KIF25: variants seen among roughly 807,000 people sequenced by gnomAD.
KIF25 encodes kinesin family member 25, also known as kinesin-like protein KIF25.
In KIF25, 19 loss-of-function variants were observed where a neutral mutation model predicts 32.9. The ratio of observed to expected loss-of-function variants is 0.58; its 90% confidence interval spans 0.40 to 0.85. The LOEUF (loss-of-function observed/expected upper bound fraction) is 0.85, where lower values mean the gene tolerates loss of function less well. Among genes scored for constraint, KIF25 ranks in the 40% least tolerant of loss-of-function variants. The pLI is 0.00. For synonymous variants in KIF25, 225 were observed against 213.7 expected (o/e 1.05, Z -0.46); for missense variants, 485 against 507.0 (o/e 0.96, Z 0.42).
intron 5 of KIF25, among the ~76,000 whole-genome samples, chr6:168,029,144 T>A (rs962114114): frequency 1.3e-5 from 2 of 152,220 alleles, no homozygotes; most frequent in Non-Finnish European, 2.9e-5. Context: ...TAAAGAGTAT[T>A]GCAGGTAGTT....
chr6:168,026,204 C>T (rs1271870456), intron 5 of KIF25, among the ~76,000 whole-genome samples: 2 of 152,246 alleles, frequency 1.3e-5, no homozygotes, highest in Non-Finnish European at 1.5e-5. Flanking sequence ...AAACCACCCT[C>T]GGGGATCGTG....
In KIF25 at chr6:168,038,464, C is replaced by G. The variant is rs553664581; in HGVS notation, c.318-89C>G. On this transcript the variant is annotated intron_variant, in intron 8 of 12. Coordinates refer to ENST00000643607, the MANE Select transcript of KIF25 (RefSeq NM_030615.4). ...GGACCCCAGCAGTCTTACTGAGCAT[C>G]CTGTAGGGCGTCTGGGGCTATGATT... is the stretch of plus-strand genomic sequence containing the variant. 1.1e-5 allele frequency: 15 copies of G among 1,339,194 alleles called. No homozygotes were observed. The South Asian group carries it at 1.3e-4, about 12-fold the overall frequency. 83.0% of individuals were successfully genotyped at this position (1,339,194 alleles called of 1,614,324 possible).
At chr6:168,026,794 A>G (rs1798866258) in intron 5 of KIF25, among the ~76,000 whole-genome samples, 1 of 152,224 alleles carries the variant, frequency 6.6e-6, no homozygotes, top group South Asian at 2.1e-4. Flanking sequence ...AGTCATGTTC[A>G]TTGTTTTGAG....
At chr6:168,037,275 T>C (rs1427789599) in intron 8 of KIF25, among the ~76,000 whole-genome samples, 1 of 152,202 alleles carries the variant, frequency 6.6e-6, no homozygotes, top group Non-Finnish European at 1.5e-5. Flanking sequence ...TGACTGTTTG[T>C]CATTAGAAGA....
Position 168,044,890 on chromosome 6 carries a change from CG to C in KIF25, c.1050del (p.Leu351CysfsTer43). 1 of 1,612,814 alleles carries C rather than the reference CG, an allele frequency of 6.2e-7. No individual in the cohort carries two copies. The highest frequency in any genetic ancestry group is 2.2e-5 in the East Asian group (1 of 44,840). On this transcript the variant is annotated frameshift_variant, in exon 13 of 13. Coordinates refer to ENST00000643607, the MANE Select transcript of KIF25 (RefSeq NM_030615.4). LOFTEE classifies it low-confidence loss of function (END_TRUNC). ...CCCAGCCAGAGGCACCTGGCACAGA[CG>C]TTGCAGGGCCTGGGTTTCGGGATCC... is the stretch of plus-strand genomic sequence containing the variant. Reference protein sequence around the residue: ...ISPSQRHLAQTLQGLGFGIRA... With the variant: ...ISPSQRHLAQXLQGLGFGIRA...
chr6:168,013,599 C>T (rs1376406530), intron 4 of KIF25, among the ~76,000 whole-genome samples: 1 of 152,126 alleles, frequency 6.6e-6, no homozygotes, highest in African/African-American at 2.4e-5. Flanking sequence ...GGAGCTGTGT[C>T]GTGAATTCTC....
At chr6:168,010,312 G>A (rs1406863590) in intron 4 of KIF25, among the ~76,000 whole-genome samples, 6 of 151,666 alleles carry the variant, frequency 4.0e-5, no homozygotes, top group Admixed American at 2.0e-4. Context: ...CATAGGTTTT[G>A]GTATGATATA....
intron 4 of KIF25, among the ~76,000 whole-genome samples, chr6:168,007,279 G>A (rs1798592268): frequency 6.6e-6 from 1 of 152,174 alleles, no homozygotes; most frequent in African/African-American, 2.4e-5. Flanking sequence ...GGGCGTGGTG[G>A]TGGGCGCCTG....
chr6:168,002,253 A>G (rs2843007), intron 2 of KIF25, among the ~76,000 whole-genome samples: 37,216 of 66,314 alleles, frequency 0.56, 11,980 homozygotes, highest in African/African-American at 0.69. Context: ...CACCTGAGGC[A>G]TGGCCTCGGG....
Position 168,042,620 on chromosome 6 carries a change from GC to G in KIF25, c.890del (p.Ala297GlyfsTer40), listed in dbSNP as rs1235268616. ...REMACISRSLAALAGVLGALL... is the reference protein window; with the variant it reads ...REMACISRSLXALAGVLGALL... ...GATGGCGTGCATCAGCCGCAGCCTT[GC>G]GGCCCTGGCAGGCGTCCTGGGGGCT... On this transcript the variant is annotated frameshift_variant, in exon 12 of 13. Transcript: ENST00000643607. LOFTEE classifies it high-confidence loss of function. 5 of 1,613,984 alleles carry G rather than the reference GC, an allele frequency of 3.1e-6. No homozygotes were observed. Among genetic ancestry groups the G allele is most frequent in the Non-Finnish European group, 4.2e-6 (5 of 1,180,030 alleles).
chr6:168,015,874 C>T (rs764813094), intron 4 of KIF25, among the ~76,000 whole-genome samples: 8 of 152,152 alleles, frequency 5.3e-5, no homozygotes, highest in Non-Finnish European at 1.2e-4. Flanking sequence ...TGGCTTTGCA[C>T]GTTTCTTGTA....
rs924489183 is a variant in KIF25, at chr6:168,021,373, G to A, written c.-95+3333G>A. On this transcript the variant is annotated intron_variant, in intron 5 of 12. Transcript: ENST00000643607. The stretch of plus-strand genomic sequence containing the variant: ...AACCGACCCTGCCTCCCCAGCTTCC[G>A]CTGCTTCAGAGGAGAAGCTCCCTCG... 9.2e-5 allele frequency among the ~76,000 whole-genome samples: 14 copies of A among 152,012 alleles called. 1 individual carries two copies. The highest frequency in any genetic ancestry group is 6.6e-5 in the Admixed American group (1 of 15,112).
At chr6:168,030,711 C>A in intron 6 of KIF25, 62 bp from the exon 7 acceptor site, 1 of 1,344,620 alleles carries the variant, frequency 7.4e-7, no homozygotes, top group Non-Finnish European at 1.0e-6. Context: ...GTTTCTGAGT[C>A]TGCATGCTAG....
At chr6:168,044,029 T>A (rs1583149676) in intron 12 of KIF25, among the ~76,000 whole-genome samples, 1 of 152,168 alleles carries the variant, frequency 6.6e-6, no homozygotes, top group South Asian at 2.1e-4. Context: ...GGGCTGAGCG[T>A]CCCTCAGGGT....
At chr6:168,018,316 T>C (rs1177506888) in intron 5 of KIF25, among the ~76,000 whole-genome samples, 2 of 152,192 alleles carry the variant, frequency 1.3e-5, no homozygotes, top group Non-Finnish European at 2.9e-5. Context: ...GTCAACACTT[T>C]AGTGTACAAG....
chr6:168,038,481 G>A (rs1018325944), intron 8 of KIF25, 72 bp from the exon 9 acceptor site: 133 of 1,497,216 alleles, frequency 8.9e-5, no homozygotes, highest in Non-Finnish European at 1.2e-4. Flanking sequence ...GGCGTCTGGG[G>A]CTATGATTGG....
At chr6:168,027,579 C>T (rs1798880429) in intron 5 of KIF25, among the ~76,000 whole-genome samples, 2 of 151,958 alleles carry the variant, frequency 1.3e-5, no homozygotes, top group Admixed American at 1.3e-4. Context: ...AGCACAGGAG[C>T]CTTGGGTGTG....
chr6:168,024,893 A>T (rs1798839068), intron 5 of KIF25, among the ~76,000 whole-genome samples: 1 of 152,126 alleles, frequency 6.6e-6, no homozygotes, highest in Non-Finnish European at 1.5e-5. Context: ...TCTACTAAAA[A>T]TACAAAAATT....
chr6:168,034,788 A>G (rs940408904), intron 8 of KIF25, among the ~76,000 whole-genome samples: 2 of 152,182 alleles, frequency 1.3e-5, no homozygotes, highest in Non-Finnish European at 2.9e-5. Flanking sequence ...CCGTTAGCAC[A>G]TTCTCGAAAG....
Sources: allele counts gnomAD v4.1 joint callset (sites outside exome capture counted in the v4.1 genomes callset), GRCh38; gene constraint gnomAD v4.1.1; transcripts MANE v1.5; gene names NCBI Gene and HGNC (gene_info 2026-07-23, HGNC 2026-07-21).